CNTN4: variants seen among roughly 807,000 people sequenced by gnomAD.
CNTN4 encodes the protein contactin-4.
CNTN4 carries 77 observed loss-of-function variants against 122.5 expected under a neutral mutation model. That is an observed-to-expected ratio of 0.63 (90% CI 0.52 to 0.76). The LOEUF is 0.76. Ranked by LOEUF, CNTN4 falls within the 30% of genes least tolerant of loss-of-function variation. The pLI is 0.00. For missense variants in CNTN4, 1,256 were observed against 1,259.1 expected (o/e 1.00, Z 0.04); for synonymous variants, 512 against 447.0 (o/e 1.15, Z -1.83).
chr3:2,488,917 T>C (rs540593560), intron 3 of CNTN4, among the ~76,000 whole-genome samples: 17 of 152,298 alleles, frequency 1.1e-4, no homozygotes, highest in South Asian at 8.3e-4. Flanking sequence ...TTTTTAATAA[T>C]AGATAGTCTA....
At chr3:2,254,091 C>T (rs1391994591) in intron 2 of CNTN4, among the ~76,000 whole-genome samples, 3 of 148,420 alleles carry the variant, frequency 2.0e-5, no homozygotes, top group African/African-American at 7.5e-5. Context: ...TCCCTGTGTC[C>T]ATGTGTTCTT....
At chr3:2,196,444 G>T (rs759178221) in intron 2 of CNTN4, among the ~76,000 whole-genome samples, 1 of 152,088 alleles carries the variant, frequency 6.6e-6, no homozygotes, top group South Asian at 2.1e-4. Flanking sequence ...GACTCTTTGT[G>T]CATTTGTTCA....
intron 3 of CNTN4, among the ~76,000 whole-genome samples, chr3:2,413,946 C>G (rs1434828158): frequency 6.6e-6 from 1 of 152,178 alleles, no homozygotes; most frequent in Non-Finnish European, 1.5e-5. Context: ...TTGGTGCCAA[C>G]AACTCAGTAT....
rs59828641 is a variant in CNTN4, at chr3:2,888,563, G to A, written c.940+1339G>A. ...GCTAATACTGCCATTTTTCATACCC[G>A]GAACCCATGAAGGGTTGCACATGCA... On this transcript the variant is annotated intron_variant, in intron 10 of 24. Coordinates refer to ENST00000418658, the MANE Select transcript of CNTN4 (RefSeq NM_175607.3). 8.0e-3 allele frequency among the ~76,000 whole-genome samples: 1,222 copies of A among 151,950 alleles called. 19 individuals are homozygous for A. Among genetic ancestry groups the A allele is most frequent in the African/African-American group, 0.028 (1,157 of 41,446 alleles).
Position 2,884,109 on chromosome 3 carries a change from TTTA to T in CNTN4, c.755+865_755+867del, listed in dbSNP as rs375543345. On this transcript the variant is annotated intron_variant, in intron 9 of 24. Coordinates refer to ENST00000418658, the MANE Select transcript of CNTN4 (RefSeq NM_175607.3). ...GGCAACAACAGTAACTTTTTTTTTT[TTTA>T]TTTTTCGGTAGAGGCAGGATCTGCG... Among the ~76,000 whole-genome samples the T allele has an allele frequency of 1.3e-3, 196 of 152,228 alleles. 1 individual carries two copies. Among genetic ancestry groups the T allele is most frequent in the African/African-American group, 4.6e-3 (189 of 41,532 alleles).
intron 7 of CNTN4, 163 bp from the exon 8 acceptor site, chr3:2,866,584 GTAAAA>G: frequency 8.5e-7 from 1 of 1,171,106 alleles, no homozygotes; most frequent in Non-Finnish European, 1.2e-6. Flanking sequence ...AGAAAGGCTG[GTAAAA>G]TGCCACGGGG....
chr3:2,869,802 A>G (rs1283814529), intron 8 of CNTN4, among the ~76,000 whole-genome samples: 3 of 152,232 alleles, frequency 2.0e-5, no homozygotes, highest in African/African-American at 7.2e-5. Flanking sequence ...AAGCTACATT[A>G]TATTCAATAA....
chr3:2,603,988 C>A (rs1324639491), intron 4 of CNTN4, among the ~76,000 whole-genome samples: 1 of 152,160 alleles, frequency 6.6e-6, no homozygotes, highest in Non-Finnish European at 1.5e-5. Flanking sequence ...CTGATGGAGG[C>A]TTTCTGTCAA....
At chr3:2,512,743 G>A (rs1329419704) in intron 3 of CNTN4, among the ~76,000 whole-genome samples, 2 of 152,174 alleles carry the variant, frequency 1.3e-5, no homozygotes, top group Non-Finnish European at 2.9e-5. Context: ...ATGAATACCT[G>A]AAAAGGGGAA....
chr3:2,311,319 C>T (rs945596415), intron 2 of CNTN4, among the ~76,000 whole-genome samples: 1 of 152,004 alleles, frequency 6.6e-6, no homozygotes, highest in African/African-American at 2.4e-5. Context: ...TTCCGTCAAC[C>T]CTAGAATAGT....
intron 2 of CNTN4, among the ~76,000 whole-genome samples, chr3:2,235,562 G>A (rs923244604): frequency 6.6e-6 from 1 of 151,876 alleles, no homozygotes; most frequent in Non-Finnish European, 1.5e-5. Context: ...AATGCAAATT[G>A]TGTTGTCTGT....
intron 2 of CNTN4, among the ~76,000 whole-genome samples, chr3:2,136,806 G>T (rs2034715078): frequency 6.6e-6 from 1 of 151,940 alleles, no homozygotes; most frequent in Non-Finnish European, 1.5e-5. Context: ...GTTTACTTTT[G>T]TATTAGTGTA....
intron 4 of CNTN4, among the ~76,000 whole-genome samples, chr3:2,629,046 A>G (rs1016845011): frequency 2.2e-4 from 33 of 152,306 alleles, no homozygotes; most frequent in Admixed American, 3.9e-4. Flanking sequence ...TGTCTTAAGA[A>G]GCGGTATCTG....
intron 2 of CNTN4, among the ~76,000 whole-genome samples, chr3:2,141,151 C>T (rs904917122): frequency 6.6e-6 from 1 of 152,174 alleles, no homozygotes; most frequent in Admixed American, 6.5e-5. Flanking sequence ...TTGTGATAGG[C>T]AGAATGCTGG....
chr3:2,729,068 T>C (rs1485531649), intron 4 of CNTN4, among the ~76,000 whole-genome samples: 1 of 152,218 alleles, frequency 6.6e-6, no homozygotes, highest in Non-Finnish European at 1.5e-5. Flanking sequence ...GATGAAATCA[T>C]AATATTGCAT....
chr3:2,954,383 G>A (rs1482620166), intron 13 of CNTN4, among the ~76,000 whole-genome samples: 1 of 152,224 alleles, frequency 6.6e-6, no homozygotes, highest in Admixed American at 6.5e-5. Flanking sequence ...CCGATGGACA[G>A]TATGTCTGGT....
At chr3:2,812,115 G>A (rs75559096) in intron 6 of CNTN4, among the ~76,000 whole-genome samples, 2,363 of 152,254 alleles carry the variant, frequency 0.016, 67 homozygotes, top group African/African-American at 0.053. Context: ...ACACACTGGG[G>A]CCTGTTAGAG....
chr3:2,154,407 G>C (rs1315320390), intron 2 of CNTN4, among the ~76,000 whole-genome samples: 5 of 151,784 alleles, frequency 3.3e-5, no homozygotes, highest in African/African-American at 9.7e-5. Context: ...AAGTGGATAT[G>C]GTAATTTTTC....
chr3:3,033,191 T>C (rs1376327205), intron 16 of CNTN4, among the ~76,000 whole-genome samples: 9 of 152,146 alleles, frequency 5.9e-5, no homozygotes, highest in East Asian at 1.9e-4. Context: ...TGAAAAAAAT[T>C]ATATTGTCTT....
Sources: allele counts gnomAD v4.1 joint callset (sites outside exome capture counted in the v4.1 genomes callset), GRCh38; gene constraint gnomAD v4.1.1; transcripts MANE v1.5; gene names NCBI Gene and HGNC (gene_info 2026-07-23, HGNC 2026-07-21).